Variants in ITPR1 observed in about 807,000 individuals in gnomAD.
ITPR1 encodes the protein inositol 1,4,5-trisphosphate-gated calcium channel ITPR1.
In ITPR1, 96 loss-of-function variants were observed where a neutral mutation model predicts 318.4. The ratio of observed to expected loss-of-function variants is 0.30; its 90% confidence interval spans 0.26 to 0.36. The LOEUF is 0.36. Among genes scored for constraint, ITPR1 ranks in the 10% least tolerant of loss-of-function variants. ITPR1 has a pLI of 1.00. For synonymous variants in ITPR1, 1,312 were observed against 1,289.9 expected (o/e 1.02, Z -0.37); for missense variants, 2,440 against 3,460.2 (o/e 0.71, Z 7.40).
intron 10 of ITPR1, among the ~76,000 whole-genome samples, chr3:4,649,194 G>A (rs549335298): frequency 6.6e-6 from 1 of 152,182 alleles, no homozygotes; most frequent in Non-Finnish European, 1.5e-5. Context: ...GTGAAGTGTT[G>A]TTTCACTGAT....
At chr3:4,810,961 C>T (rs1326643166) in intron 55 of ITPR1, among the ~76,000 whole-genome samples, 1 of 152,244 alleles carries the variant, frequency 6.6e-6, no homozygotes, top group Non-Finnish European at 1.5e-5. Context: ...ACTTTCCTCT[C>T]CCTTTGTCTC....
At chr3:4,727,254 G>C in intron 42 of ITPR1, 81 bp downstream of exon 42, 1 of 994,742 alleles carries the variant, frequency 1.0e-6, no homozygotes, top group Non-Finnish European at 1.5e-6. Flanking sequence ...CTGTGATTGA[G>C]AGACAGCTTT....
In ITPR1 at chr3:4,693,588, T is replaced by A. The variant is rs756775835; in HGVS notation, c.4128T>A (p.Asp1376Glu). Residue 1376 changes from aspartate (D) to glutamate (E), a missense_variant, in exon 33 of 62, where the codon GAT becomes GAA. Around this residue, in one of 23 missense-constraint regions of ITPR1, gnomAD observed 222 missense variants for 318.8 expected, o/e 0.70. Transcript: ENST00000649015. The part of the protein sequence containing the change: ...QMMRSERDRM[D>E]ENSPLMYHIH... ...TGCGGTCAGAACGGGATCGGATGGA[T>A]GAGAACAGCCCTCTCATGTACCACA... The A allele has an allele frequency of 5.6e-6, 9 of 1,613,860 alleles. No individual in the cohort carries two copies. Among genetic ancestry groups the A allele is most frequent in the Admixed American group, 1.7e-5 (1 of 60,006 alleles).
chr3:4,637,203 A>C (rs923410726), intron 5 of ITPR1, among the ~76,000 whole-genome samples: 2 of 152,200 alleles, frequency 1.3e-5, no homozygotes, highest in African/African-American at 2.4e-5. Flanking sequence ...GAATCCATTG[A>C]GTTTTTTCCC....
Position 4,686,940 on chromosome 3 carries a change from G to A in ITPR1, c.3703-1555G>A, listed in dbSNP as rs186941622. Among the ~76,000 whole-genome samples, 357 of 152,334 alleles carry A rather than the reference G, an allele frequency of 2.3e-3. 1 individual carries two copies. The highest frequency in any genetic ancestry group is 8.2e-3 in the African/African-American group (342 of 41,572). On this transcript the variant is annotated intron_variant, in intron 30 of 61. Transcript: ENST00000649015. ...TTCACCACCCCTCCTGTTAATAAGG[G>A]ACAAATGTAATCCCCATTATGTTGT...
chr3:4,624,076 T>C (rs981790692), intron 4 of ITPR1, among the ~76,000 whole-genome samples: 24 of 152,320 alleles, frequency 1.6e-4, no homozygotes, highest in African/African-American at 5.1e-4. Flanking sequence ...ATGCTTTCCA[T>C]TGTCTGTTAT....
chr3:4,771,414 G>A (rs1036796681), intron 46 of ITPR1, among the ~76,000 whole-genome samples: 7 of 152,294 alleles, frequency 4.6e-5, no homozygotes, highest in East Asian at 1.9e-4. Context: ...GCTTGTTCCC[G>A]AGCTTAGCTC....
rs188477537 is a variant in ITPR1, at chr3:4,644,142, A to G, written c.532A>G (p.Ile178Val). Residue 178 changes from isoleucine (I) to valine (V), a missense_variant, in exon 8 of 62, where the codon ATA (isoleucine) becomes GTA (valine). Around this residue, in one of 23 missense-constraint regions of ITPR1, gnomAD observed 186 missense variants for 323.9 expected, o/e 0.57. Transcript: ENST00000649015. ...KLRSIGDSVV[I>V]GDKVVLNPVN... is the part of the protein sequence containing the mutation. ...TTGCTCCTTTCCATTCCAGGTGGTC[A>G]TAGGTGACAAGGTGGTTCTGAACCC... 65 of 1,609,720 alleles carry G rather than the reference A, an allele frequency of 4.0e-5. No individual in the cohort carries two copies. In the African/African-American group the frequency reaches 5.7e-4, roughly 14 times the overall value.
chr3:4,505,070 T>C (rs951900496), intron 2 of ITPR1, among the ~76,000 whole-genome samples: 4 of 152,192 alleles, frequency 2.6e-5, no homozygotes, highest in Admixed American at 1.3e-4. Flanking sequence ...GGTGCCTTTT[T>C]GTCTTCGTCC....
chr3:4,660,935 T>C, intron 13 of ITPR1, 53 bp from the exon 14 acceptor site: 1 of 888,822 alleles, frequency 1.1e-6, no homozygotes, highest in South Asian at 1.8e-5. Flanking sequence ...CTAGGGGCTA[T>C]AGAGTAAACC....
chr3:4,723,702 T>G (rs909449507), intron 40 of ITPR1, among the ~76,000 whole-genome samples: 2 of 151,810 alleles, frequency 1.3e-5, no homozygotes, highest in African/African-American at 4.8e-5. Context: ...GCTTTTGTTT[T>G]GATTGGCAAA....
chr3:4,611,281 T>C (rs944374686), intron 4 of ITPR1, among the ~76,000 whole-genome samples: 3 of 147,216 alleles, frequency 2.0e-5, no homozygotes, highest in Non-Finnish European at 4.5e-5. Flanking sequence ...TTAGCCCAGC[T>C]GAGTGCAGTG....
intron 33 of ITPR1, among the ~76,000 whole-genome samples, chr3:4,694,440 A>ATATT (rs10663025): frequency 0.45 from 68,253 of 151,252 alleles, 16,396 homozygotes; most frequent in Non-Finnish European, 0.56. Context: ...TATATCATAT[A>ATATT]ATGTTTTTAG....
Position 4,627,884 on chromosome 3 carries a change from T to G in ITPR1, c.279+6T>G. 1.3e-6 allele frequency: 2 copies of G among 1,584,534 alleles called. No individual in the cohort carries two copies. Among genetic ancestry groups the G allele is most frequent in the Non-Finnish European group, 1.7e-6 (2 of 1,155,072 alleles). On this transcript the variant is annotated splice_donor_region_variant and intron_variant, in intron 5 of 61. Transcript: ENST00000649015. ...TGCTACTCAACAAACTGCACGTACG[T>G]ATTGCCATGGGGCTGTCGATGGGGC... is the stretch of plus-strand genomic sequence containing the variant.
At chr3:4,641,491 C>T (rs1190138269) in intron 6 of ITPR1, among the ~76,000 whole-genome samples, 1 of 152,206 alleles carries the variant, frequency 6.6e-6, no homozygotes, top group Non-Finnish European at 1.5e-5. Context: ...ATCCTCCCAC[C>T]TCAACCTCCT....
intron 5 of ITPR1, among the ~76,000 whole-genome samples, chr3:4,629,206 A>G (rs891108704): frequency 1.3e-5 from 2 of 151,882 alleles, no homozygotes; most frequent in African/African-American, 4.8e-5. Flanking sequence ...ATTTTATTTT[A>G]TTTTATATTT....
chr3:4,696,482 T>TA (rs2094559747), intron 33 of ITPR1, among the ~76,000 whole-genome samples: 1 of 152,242 alleles, frequency 6.6e-6, no homozygotes, highest in Admixed American at 6.5e-5. Context: ...ATTCTATACA[T>TA]ACACCACGTT....
At chr3:4,637,307 C>A (rs2093220389) in intron 5 of ITPR1, among the ~76,000 whole-genome samples, 1 of 152,230 alleles carries the variant, frequency 6.6e-6, no homozygotes, top group African/African-American at 2.4e-5. Context: ...AATAAGCCTT[C>A]ATTCCAAATG....
At position 4,588,149 on chromosome 3, in the gene ITPR1, C is replaced by G. The variant is rs1559495446; in HGVS notation, c.164-39614C>G. 2.0e-5 allele frequency among the ~76,000 whole-genome samples: 3 copies of G among 152,158 alleles called. No individual in the cohort carries two copies. The South Asian group carries it at 6.2e-4, about 32-fold the overall frequency. Reference sequence around the variant, plus strand: ...GGGATCCCTAGACCTTGCTGCATATCAGAATCATTAAGAGGTTTAAGAAAT... The same window carrying G: ...GGGATCCCTAGACCTTGCTGCATATGAGAATCATTAAGAGGTTTAAGAAAT... On this transcript the variant is annotated intron_variant, in intron 4 of 61. Transcript: ENST00000649015.
Sources: allele counts gnomAD v4.1 joint callset (sites outside exome capture counted in the v4.1 genomes callset), GRCh38; gene constraint gnomAD v4.1.1; regional missense constraint gnomAD v4.1.1; transcripts MANE v1.5; gene names NCBI Gene and HGNC (gene_info 2026-07-23, HGNC 2026-07-21).